The following SLC9A7 variants were observed in gnomAD, a reference collection of about 807,000 sequenced individuals.
The protein encoded by SLC9A7 is sodium/hydrogen exchanger 7.
SLC9A7 carries 19 observed loss-of-function variants against 52.6 expected under a neutral mutation model. The ratio of observed to expected loss-of-function variants is 0.36; its 90% CI spans 0.25 to 0.53. The LOEUF is 0.53. Ranked by LOEUF, SLC9A7 falls within the 20% of genes least tolerant of loss-of-function variation. The probability of loss-of-function intolerance (pLI) is 0.91; values close to 1 mark genes in which losing one functional copy is unlikely to be tolerated. For missense variants in SLC9A7, 455 were observed against 597.9 expected (o/e 0.76, Z 2.49); for synonymous variants, 226 against 252.1 (o/e 0.90, Z 0.98).
chrX:46,675,420 A>T (rs1170462699), intron 3 of SLC9A7, among the ~76,000 whole-genome samples: 1 of 111,738 alleles, frequency 8.9e-6, no homozygotes, highest in Non-Finnish European at 1.9e-5. Flanking sequence ...GGGACAATTT[A>T]AAAAGGAAAG....
Position 46,606,355 on chromosome X carries a change from T to C in SLC9A7, c.*597A>G, listed in dbSNP as rs1463706357. On this transcript the variant is annotated 3_prime_UTR_variant, in exon 17 of 17. Coordinates refer to ENST00000616978, the MANE Select transcript of SLC9A7 (RefSeq NM_001257291.2). ...CCATGTTGAAATGTTCGTGGATGTA[T>C]TTTCAAATCTTCAGTCTAGAAAAAA... 2.7e-6 allele frequency: 2 copies of C among 753,890 alleles called. No individual in the cohort carries two copies. Among genetic ancestry groups the C allele is most frequent in the Admixed American group, 1.7e-4 (2 of 11,667 alleles). The allele number at this position is 753,890 out of a possible 1,213,427, so 62.1% of individuals were successfully genotyped here.
chrX:46,717,002 G>A (rs1032225674), intron 1 of SLC9A7, among the ~76,000 whole-genome samples: 2 of 111,876 alleles, frequency 1.8e-5, no homozygotes, highest in African/African-American at 3.3e-5. Context: ...ATGGCAACAC[G>A]CATCCACCAG....
rs189623351 is a variant in SLC9A7 at position 46,671,559 on chromosome X, T to G, written c.680+992A>C. Among the ~76,000 whole-genome samples the G allele has an allele frequency of 6.8e-3, 754 of 111,407 alleles. 10 individuals are homozygous for G. The East Asian group carries it at 0.094, about 14-fold the overall frequency. On this transcript the variant is annotated intron_variant, in intron 4 of 16. Transcript: ENST00000616978. ...GCTGGGATTACAGGCGTGAGCCACTTCGCCCTGCCAGACTTTGCTCATTTT... is the reference window on the plus strand; with the variant it reads ...GCTGGGATTACAGGCGTGAGCCACTGCGCCCTGCCAGACTTTGCTCATTTT...
chrX:46,637,480 TAGA>T (rs1468105252), intron 12 of SLC9A7, among the ~76,000 whole-genome samples: 1 of 112,639 alleles, frequency 8.9e-6, no homozygotes, highest in Non-Finnish European at 1.9e-5. Context: ...TTATGCCAAG[TAGA>T]GCATTCTTAC....
At chrX:46,733,818 G>GA (rs199869728) in intron 1 of SLC9A7, among the ~76,000 whole-genome samples, 23 of 106,073 alleles carry the variant, frequency 2.2e-4, no homozygotes, top group South Asian at 2.0e-3. Flanking sequence ...GGAGGGCAGT[G>GA]AAAAAAAAAC....
intron 1 of SLC9A7, among the ~76,000 whole-genome samples, chrX:46,718,304 G>T (rs1944803173): frequency 8.9e-6 from 1 of 111,852 alleles, no homozygotes; most frequent in Admixed American, 9.5e-5. Context: ...ATTCAAGATG[G>T]ATTAAAGACT....
At position 46,651,229 on chromosome X, in the gene SLC9A7, C is replaced by T. The variant is rs200538023; in HGVS notation, c.1237-6G>A. 6 of 1,187,981 alleles carry T rather than the reference C, an allele frequency of 5.1e-6. No homozygotes were observed. The highest frequency in any genetic ancestry group is 3.0e-5 in the East Asian group (1 of 33,591). On this transcript the variant is annotated splice_polypyrimidine_tract_variant and splice_region_variant and intron_variant, in intron 9 of 16. Transcript: ENST00000616978. ...AAATGTAACACCTCAAAGAGCTGCA[C>T]AGAGAAGGGAAAAGGAAGCTGTAAC...
At chrX:46,730,673 TATATA>T (rs1569524444) in intron 1 of SLC9A7, among the ~76,000 whole-genome samples, 3 of 16,283 alleles carry the variant, frequency 1.8e-4, no homozygotes, top group Non-Finnish European at 2.9e-4. Flanking sequence ...AAAAAAATTA[TATATA>T]TATATATATA....
chrX:46,631,101 T>C (rs1055923944), intron 14 of SLC9A7, among the ~76,000 whole-genome samples: 1 of 112,387 alleles, frequency 8.9e-6, no homozygotes, highest in Non-Finnish European at 1.9e-5. Flanking sequence ...GTGGACTTCA[T>C]GGAGAAAAGG....
rs1194774121 is a variant in SLC9A7 at position 46,600,939 on chromosome X, CAG to C, written c.*6011_*6012del. 9.0e-6 allele frequency: 1 copy of C among 111,644 alleles called. No homozygotes were observed. The highest frequency in any genetic ancestry group is 1.9e-5 in the Non-Finnish European group (1 of 53,186). 9.2% of individuals were successfully genotyped at this position (111,644 alleles called of 1,213,427 possible). A position where few individuals can be genotyped will look rare whatever the true frequency, so the allele number is the denominator to read the frequency against. ...AATGTAGCAGCCGACACTGGCAATCCAGAGTGTCAGTTAAAGAACAACAGAAT... is the reference window on the plus strand; with the variant it reads ...AATGTAGCAGCCGACACTGGCAATCCAGTGTCAGTTAAAGAACAACAGAAT... On this transcript the variant is annotated 3_prime_UTR_variant, in exon 17 of 17. Transcript: ENST00000616978.
intron 12 of SLC9A7, among the ~76,000 whole-genome samples, chrX:46,640,068 A>T (rs906427349): frequency 1.8e-5 from 2 of 112,078 alleles, no homozygotes; most frequent in Admixed American, 9.4e-5. Context: ...ACCCAGCAAG[A>T]TTTTTTTTAC....
chrX:46,633,758 A>G (rs1031810693), intron 13 of SLC9A7, among the ~76,000 whole-genome samples: 6 of 106,306 alleles, frequency 5.6e-5, no homozygotes, highest in Admixed American at 1.0e-4. Flanking sequence ...TGCAACCTCC[A>G]TCTCCCGGGT....
At chrX:46,637,369 G>C (rs1943337771) in intron 12 of SLC9A7, among the ~76,000 whole-genome samples, 1 of 112,371 alleles carries the variant, frequency 8.9e-6, no homozygotes, top group Admixed American at 9.4e-5. Context: ...AAAATATCCA[G>C]TTGCAAATGT....
intron 1 of SLC9A7, among the ~76,000 whole-genome samples, chrX:46,739,008 T>C (rs1292159851): frequency 9.0e-6 from 1 of 111,604 alleles, no homozygotes; most frequent in Non-Finnish European, 1.9e-5. Flanking sequence ...ATAAAAAGTG[T>C]TCTTCCTTCT....
chrX:46,753,841 C>A (rs2147033219), intron 1 of SLC9A7, among the ~76,000 whole-genome samples: 1 of 109,808 alleles, frequency 9.1e-6, no homozygotes, highest in African/African-American at 3.3e-5. Flanking sequence ...AAGGAATTAG[C>A]CGGGCATGGT....
intron 1 of SLC9A7, among the ~76,000 whole-genome samples, chrX:46,717,595 G>A (rs1366882855): frequency 3.6e-5 from 4 of 111,349 alleles, no homozygotes; most frequent in Non-Finnish European, 7.5e-5. Flanking sequence ...GGCAAGGCTG[G>A]TCTCGAACTC....
At chrX:46,654,823 C>T (rs138209294) in intron 7 of SLC9A7, among the ~76,000 whole-genome samples, 12 of 110,988 alleles carry the variant, frequency 1.1e-4, no homozygotes, top group South Asian at 3.8e-4. Context: ...GAGCAATATA[C>T]GTCTCCAAGG....
chrX:46,653,417 GTC>G (rs1388134523), intron 8 of SLC9A7, among the ~76,000 whole-genome samples, 190 bp downstream of exon 8: 1 of 111,800 alleles, frequency 8.9e-6, no homozygotes, highest in Non-Finnish European at 1.9e-5. Context: ...ATTAAAAAAA[GTC>G]TAGCTTTTTG....
At chrX:46,633,992 C>T (rs1264424351) in intron 13 of SLC9A7, among the ~76,000 whole-genome samples, 1 of 111,687 alleles carries the variant, frequency 9.0e-6, no homozygotes, top group Non-Finnish European at 1.9e-5. Context: ...ATTTTAATTG[C>T]AGGTTTAAAG....
Sources: gnomAD v4.1 joint callset for allele counts (sites outside exome capture counted in the v4.1 genomes callset) on GRCh38, gnomAD v4.1.1 for gene constraint, MANE v1.5 for transcripts, NCBI Gene and HGNC (gene_info 2026-07-23, HGNC 2026-07-21) for gene names.